KCTD10: variants seen among roughly 807,000 people sequenced by gnomAD.
KCTD10 encodes the protein BTB/POZ domain-containing adapter for CUL3-mediated RhoA degradation protein 3.
KCTD10 carries 13 observed loss-of-function variants against 34.6 expected under a neutral mutation model. That is an observed-to-expected ratio of 0.38 (90% CI 0.24 to 0.60). KCTD10 has a LOEUF of 0.60. Among genes scored for constraint, KCTD10 ranks in the 20% least tolerant of loss-of-function variants. KCTD10 has a pLI of 0.66. For missense variants in KCTD10, 256 were observed against 420.3 expected, an observed-to-expected ratio of 0.61 and a Z score of 3.42; for synonymous variants, 156 against 168.8, an observed-to-expected ratio of 0.92 and a Z score of 0.59.
At position 109,477,130 on chromosome 12, in the gene KCTD10, C is replaced by G. The variant is rs369728531; in HGVS notation, c.3+130G>C. ...CCGGGCCTTTCCCCTAACCAATCCC[C>G]CAAATGCCTCTCCACTATCGTGACT... On this transcript the variant is annotated intron_variant, in intron 1 of 6. Transcript: ENST00000228495. The G allele has an allele frequency of 2.2e-4, 252 of 1,148,298 alleles. 1 individual carries two copies. The African/African-American group carries it at 3.6e-3, about 16-fold the overall frequency. 71.1% of individuals were successfully genotyped at this position (1,148,298 alleles called of 1,614,324 possible). A position where few individuals can be genotyped will look rare whatever the true frequency, so the allele number is the denominator to read the frequency against.
At chr12:109,475,259 A>C (rs533963259) in intron 1 of KCTD10, among the ~76,000 whole-genome samples, 7 of 151,982 alleles carry the variant, frequency 4.6e-5, no homozygotes, top group African/African-American at 7.3e-5. Context: ...GGATTGCTTG[A>C]GCCCAGGAAT....
At chr12:109,475,760 CT>C (rs1286559069) in intron 1 of KCTD10, among the ~76,000 whole-genome samples, 1 of 152,198 alleles carries the variant, frequency 6.6e-6, no homozygotes, top group African/African-American at 2.4e-5. Flanking sequence ...TGTATAAAAC[CT>C]TCCCAAACTG....
At chr12:109,467,328 A>G (rs1398540831) in intron 2 of KCTD10, among the ~76,000 whole-genome samples, 1 of 152,212 alleles carries the variant, frequency 6.6e-6, no homozygotes, top group Non-Finnish European at 1.5e-5. Flanking sequence ...TAAATGAAAC[A>G]ATACCCATCG....
intron 2 of KCTD10, among the ~76,000 whole-genome samples, chr12:109,465,116 G>A (rs1450741563): frequency 6.6e-6 from 1 of 152,140 alleles, no homozygotes; most frequent in Non-Finnish European, 1.5e-5. Flanking sequence ...CCCACGCACG[G>A]GGAAAGCGTT....
At chr12:109,475,409 T>C (rs1374787261) in intron 1 of KCTD10, among the ~76,000 whole-genome samples, 1 of 152,000 alleles carries the variant, frequency 6.6e-6, no homozygotes, top group Non-Finnish European at 1.5e-5. Flanking sequence ...GCAGGGAAGG[T>C]GAGGCTTTAG....
chr12:109,450,425 C>T lies in KCTD10; in HGVS notation c.*1170G>A, dbSNP rs936346017. 1.0e-5 allele frequency: 4 copies of T among 399,106 alleles called. No individual in the cohort carries two copies. The highest frequency in any genetic ancestry group is 1.8e-5 in the Non-Finnish European group (4 of 226,432). 24.7% of individuals were successfully genotyped at this position (399,106 alleles called of 1,614,324 possible). On this transcript the variant is annotated 3_prime_UTR_variant, in exon 7 of 7. Coordinates refer to ENST00000228495, the MANE Select transcript of KCTD10 (RefSeq NM_031954.5). ...CATATCCCTTAAACAAACATGAACACAGACACAAACCAGACCCAAAGTTAT... is the reference window on the plus strand; with the variant it reads ...CATATCCCTTAAACAAACATGAACATAGACACAAACCAGACCCAAAGTTAT...
rs1872760201 is a variant in KCTD10, at chr12:109,451,428, A to G, written c.*167T>C. On this transcript the variant is annotated 3_prime_UTR_variant, in exon 7 of 7. Transcript: ENST00000228495. The surrounding 1 kb of genome is among the most constrained non-coding windows in gnomAD (Gnocchi z 5.0). ...GGGGTCATACGCCTGGGTCAAGACAATCAATTTGCCTTGTCAAGCAATACC... is the reference window on the plus strand; with the variant it reads ...GGGGTCATACGCCTGGGTCAAGACAGTCAATTTGCCTTGTCAAGCAATACC... 6.2e-6 allele frequency: 4 copies of G among 644,746 alleles called. No individual in the cohort carries two copies. The highest frequency in any genetic ancestry group is 7.8e-6 in the Non-Finnish European group (3 of 384,708). The allele number at this position is 644,746 out of a possible 1,614,324, so 39.9% of individuals were successfully genotyped here. A position where few individuals can be genotyped will look rare whatever the true frequency, so the allele number is the denominator to read the frequency against.
At chr12:109,469,419 A>G in intron 2 of KCTD10, 96 bp downstream of exon 2, 6 of 1,451,110 alleles carry the variant, frequency 4.1e-6, no homozygotes, top group Non-Finnish European at 5.6e-6. Flanking sequence ...CCTCCTACAC[A>G]TCTTCAGGTC....
rs1252842274 is a variant in KCTD10, at chr12:109,457,611, T to C, written c.527+19A>G. 6.2e-7 allele frequency: 1 copy of C among 1,613,200 alleles called. No homozygotes were observed. The highest frequency in any genetic ancestry group is 8.5e-7 in the Non-Finnish European group (1 of 1,179,080). ...GTTTTCCTAGTAAATGGAGCTGTCT[T>C]TCCCGGCTGACGCCTTACCTGGTAT... On this transcript the variant is annotated intron_variant, in intron 5 of 6. Transcript: ENST00000228495.
At position 109,477,206 on chromosome 12, in the gene KCTD10, C is replaced by T. The variant is rs540550055; in HGVS notation, c.3+54G>A. 37 of 1,610,912 alleles carry T rather than the reference C, an allele frequency of 2.3e-5. No individual in the cohort carries two copies. The Admixed American group carries it at 4.9e-4, about 21-fold the overall frequency. On this transcript the variant is annotated intron_variant, in intron 1 of 6. Coordinates refer to ENST00000228495, the MANE Select transcript of KCTD10 (RefSeq NM_031954.5). ...GGTCCCTTCTTATACTCTGCTGCTG[C>T]CCAGCTCCCTCGGCCGCCCTCAACC...
At chr12:109,469,033 T>TAC (rs940612549) in intron 2 of KCTD10, 1 of 156,520 alleles carries the variant, frequency 6.4e-6, no homozygotes, top group Non-Finnish European at 1.4e-5. Context: ...TCTATCTATC[T>TAC]ACACACACAC....
chr12:109,477,245 C>T lies in KCTD10; in HGVS notation c.3+15G>A, dbSNP rs1441292878. 16 of 1,613,888 alleles carry T rather than the reference C, an allele frequency of 9.9e-6. No homozygotes were observed. The South Asian group carries it at 1.2e-4, about 12-fold the overall frequency. On this transcript the variant is annotated intron_variant, in intron 1 of 6. Transcript: ENST00000228495. ...CCGCCCTCAACCCCTAGTCCATGGGCACCGCCCTCCCTACCATGAAAAGTC... is the reference window on the plus strand; with the variant it reads ...CCGCCCTCAACCCCTAGTCCATGGGTACCGCCCTCCCTACCATGAAAAGTC...
At chr12:109,466,333 C>T (rs191124339) in intron 2 of KCTD10, among the ~76,000 whole-genome samples, 1 of 152,230 alleles carries the variant, frequency 6.6e-6, no homozygotes, top group Admixed American at 6.5e-5. Context: ...CTCCCAACAT[C>T]TCAGGCCCTG....
chr12:109,454,356 A>G (rs1225401996), intron 6 of KCTD10, among the ~76,000 whole-genome samples: 1 of 152,218 alleles, frequency 6.6e-6, no homozygotes, highest in Non-Finnish European at 1.5e-5. Flanking sequence ...GAACTGACAA[A>G]TACAATAACC....
At chr12:109,463,661 A>G (rs1025339889) in intron 2 of KCTD10, among the ~76,000 whole-genome samples, 53 of 152,334 alleles carry the variant, frequency 3.5e-4, no homozygotes, top group African/African-American at 1.2e-3. Flanking sequence ...CTTGGGCTCC[A>G]GGACGTCCTC....
rs73196261 is a variant in KCTD10 at position 109,473,680 on chromosome 12, C to G, written c.3+3580G>C. ...TTGGCAGCATTCGTGTCCTTGAGCC[C>G]AAGTTACAGTGAACTTAGGACACGA... On this transcript the variant is annotated intron_variant, in intron 1 of 6. Coordinates refer to ENST00000228495, the MANE Select transcript of KCTD10 (RefSeq NM_031954.5). Among the ~76,000 whole-genome samples, 894 of 152,088 alleles carry G rather than the reference C, an allele frequency of 5.9e-3. 5 individuals carry two copies. The highest frequency in any genetic ancestry group is 0.011 in the Non-Finnish European group (721 of 68,012).
chr12:109,454,804 A>T lies in KCTD10; in HGVS notation c.723+1314T>A, dbSNP rs111417005. 8.9e-3 allele frequency among the ~76,000 whole-genome samples: 1,357 copies of T among 152,318 alleles called. 23 individuals are homozygous for T. Among genetic ancestry groups the T allele is most frequent in the African/African-American group, 0.031 (1,289 of 41,558 alleles). The stretch of plus-strand genomic sequence containing the variant: ...ACTAACTAGCTTTACAAACACAAGA[A>T]CATGCCACTCCTGAACCTGTCTGCT... On this transcript the variant is annotated intron_variant, in intron 6 of 6. Transcript: ENST00000228495.
At chr12:109,466,811 A>C (rs190849761) in intron 2 of KCTD10, among the ~76,000 whole-genome samples, 5 of 152,260 alleles carry the variant, frequency 3.3e-5, no homozygotes, top group African/African-American at 7.2e-5. Flanking sequence ...GCTGAGCTGC[A>C]CTTGGCATTT....
At position 109,449,245 on chromosome 12, in the gene KCTD10, A is replaced by G. The variant is rs900423582; in HGVS notation, c.*2350T>C. The G allele has an allele frequency of 6.6e-6, 1 of 152,226 alleles. No homozygotes were observed. Among genetic ancestry groups the G allele is most frequent in the Non-Finnish European group, 1.5e-5 (1 of 68,032 alleles). The allele number at this position is 152,226 out of a possible 1,614,324, so 9.4% of individuals were successfully genotyped here. ...CAATGCTGTCTATTCACTCATGGCT[A>G]TAATGCAGCCGACAGAATTGTTCAC... is the stretch of plus-strand genomic sequence containing the variant. On this transcript the variant is annotated 3_prime_UTR_variant, in exon 7 of 7. Transcript: ENST00000228495.
Sources: allele counts gnomAD v4.1 joint callset (sites outside exome capture counted in the v4.1 genomes callset), GRCh38; gene constraint gnomAD v4.1.1; non-coding constraint Gnocchi (gnomAD v3.1); transcripts MANE v1.5; gene names NCBI Gene and HGNC (gene_info 2026-07-23, HGNC 2026-07-21).